PHF2: variants seen among roughly 807,000 people sequenced by gnomAD.
The protein encoded by PHF2 is lysine-specific demethylase PHF2.
Under a neutral mutation model 120.5 loss-of-function variants are expected in PHF2, and 27 were observed. The ratio of observed to expected loss-of-function variants is 0.22; its 90% CI spans 0.17 to 0.31. The LOEUF is 0.31. Ranked by LOEUF, PHF2 falls within the 10% of genes least tolerant of loss-of-function variation. The pLI, the probability that PHF2 is intolerant of heterozygous loss-of-function variation, is 1.00. For missense variants in PHF2, 1,024 were observed against 1,434.8 expected (o/e 0.71, Z 4.63); for synonymous variants, 568 against 592.5 (o/e 0.96, Z 0.60).
chr9:93,599,785 C>T (rs898656756), intron 1 of PHF2, among the ~76,000 whole-genome samples: 2 of 152,236 alleles, frequency 1.3e-5, no homozygotes, highest in Non-Finnish European at 2.9e-5. Flanking sequence ...TTTAGAGGCG[C>T]CGGTGGGGCC....
At chr9:93,579,761 G>T (rs1862899064) in intron 1 of PHF2, among the ~76,000 whole-genome samples, 1 of 152,238 alleles carries the variant, frequency 6.6e-6, no homozygotes, top group Non-Finnish European at 1.5e-5. Flanking sequence ...GAGAATTGGA[G>T]AGAGGGTCTC....
Position 93,626,904 on chromosome 9 carries a change from T to C in PHF2, c.99-3066T>C, listed in dbSNP as rs115249839. Reference sequence around the variant, plus strand: ...AGTTGGCTGTTGATGTATGGGTTTATTTCTGAGGTTTTAGTTCTATTCCAT... The same window carrying C: ...AGTTGGCTGTTGATGTATGGGTTTACTTCTGAGGTTTTAGTTCTATTCCAT... On this transcript the variant is annotated intron_variant, in intron 1 of 21. Coordinates refer to ENST00000359246, the MANE Select transcript of PHF2 (RefSeq NM_005392.4). Among the ~76,000 whole-genome samples, 295 of 152,366 alleles carry C rather than the reference T, an allele frequency of 1.9e-3. 2 individuals carry two copies. Among genetic ancestry groups the C allele is most frequent in the African/African-American group, 6.7e-3 (278 of 41,596 alleles).
At chr9:93,640,781 G>A (rs1450323472) in intron 3 of PHF2, among the ~76,000 whole-genome samples, 1 of 152,196 alleles carries the variant, frequency 6.6e-6, no homozygotes, top group Non-Finnish European at 1.5e-5. Flanking sequence ...TCTTGTGAAA[G>A]CTGGACACGA....
chr9:93,598,766 G>A (rs1184389338), intron 1 of PHF2, among the ~76,000 whole-genome samples: 2 of 152,114 alleles, frequency 1.3e-5, no homozygotes, highest in African/African-American at 4.8e-5. Context: ...GGCAGGGCAG[G>A]GCTCACATGG....
At chr9:93,650,220 A>G (rs1346952146) in intron 5 of PHF2, among the ~76,000 whole-genome samples, 1 of 151,958 alleles carries the variant, frequency 6.6e-6, no homozygotes, top group African/African-American at 2.4e-5. Context: ...CATGACATAG[A>G]CATGCGATAC....
In PHF2 at chr9:93,656,097, C is replaced by A; in HGVS notation, c.1040+76C>A. 1 of 1,250,078 alleles carries A rather than the reference C, an allele frequency of 8.0e-7. No individual in the cohort carries two copies. Among genetic ancestry groups the A allele is most frequent in the African/African-American group, 1.5e-5 (1 of 67,598 alleles). 77.4% of individuals were successfully genotyped at this position (1,250,078 alleles called of 1,614,324 possible). A position where few individuals can be genotyped will look rare whatever the true frequency, so the allele number is the denominator to read the frequency against. On this transcript the variant is annotated intron_variant, in intron 8 of 21. Transcript: ENST00000359246. The surrounding 1 kb of genome is among the most constrained non-coding windows in gnomAD (Gnocchi z 4.1). ...CCTCTAGCTGGGTCGGTGCTAGATG[C>A]CTTGGGCTGAGTCCTGGCACAGCCC...
Position 93,630,036 on chromosome 9 carries a change from A to T in PHF2, c.165A>T (p.Lys55Asn). The T allele has an allele frequency of 6.2e-7, 1 of 1,613,372 alleles. No homozygotes were observed. The highest frequency in any genetic ancestry group is 8.5e-7 in the Non-Finnish European group (1 of 1,180,010). ...TATACCACTGCCCAAACTGTGAGAA[A>T]ACCCATGGGAAGTCCACCTGTAAGT... ...IDIYHCPNCE[K>N]THGKSTLKKK... is the part of the protein sequence containing the mutation. The change falls in exon 2 of 22, where the codon AAA becomes AAT. Residue 55 changes from lysine to asparagine, a missense_variant. This residue lies in a region of PHF2 where 347 missense variants were observed against 577.4 expected (regional missense o/e 0.60). Coordinates refer to ENST00000359246, the MANE Select transcript of PHF2 (RefSeq NM_005392.4).
At chr9:93,612,925 T>G (rs1311470813) in intron 1 of PHF2, among the ~76,000 whole-genome samples, 9 of 152,226 alleles carry the variant, frequency 5.9e-5, no homozygotes, top group Non-Finnish European at 1.2e-4. Flanking sequence ...GATGGGGGAC[T>G]TCTCTCTAAT....
rs1826897756 is a variant in PHF2, at chr9:93,675,722, G to A, written c.2765G>A (p.Arg922His). Residue 922 changes from arginine (R) to histidine (H), a missense_variant, in exon 20 of 22, where the codon CGT (arginine) becomes CAT (histidine). Arg to His is a conservative substitution (Grantham distance 29). This residue lies in a region of PHF2 where 677 missense variants were observed against 857.4 expected (regional missense o/e 0.79). Transcript: ENST00000359246. Reference protein sequence around the residue: ...PSVPRQDRPVREGTRVASIET... With the variant: ...PSVPRQDRPVHEGTRVASIET... ...GTGCCAAGACAGGACAGGCCTGTGC[G>A]TGAGGGTACACGGGTGGCTTCCATC... 9 of 1,613,342 alleles carry A rather than the reference G, an allele frequency of 5.6e-6. No individual in the cohort carries two copies. Among genetic ancestry groups the A allele is most frequent in the Non-Finnish European group, 6.8e-6 (8 of 1,179,930 alleles).
intron 1 of PHF2, among the ~76,000 whole-genome samples, chr9:93,605,844 A>G (rs1021486587): frequency 6.6e-6 from 1 of 152,212 alleles, no homozygotes; most frequent in African/African-American, 2.4e-5. Context: ...AATTTTGGCA[A>G]TTATGAATAA....
At chr9:93,634,161 C>T (rs1223856359) in intron 2 of PHF2, among the ~76,000 whole-genome samples, 4 of 152,282 alleles carry the variant, frequency 2.6e-5, no homozygotes, top group Admixed American at 6.5e-5. Flanking sequence ...ATATAACTGC[C>T]TCCATTTCCA....
At chr9:93,648,127 C>T (rs1826293593) in intron 4 of PHF2, among the ~76,000 whole-genome samples, 1 of 151,712 alleles carries the variant, frequency 6.6e-6, no homozygotes, top group Admixed American at 6.6e-5. Flanking sequence ...TTTTTTATAT[C>T]CCTGAAGTCT....
chr9:93,608,756 G>A (rs1049010419), intron 1 of PHF2, among the ~76,000 whole-genome samples: 7 of 152,120 alleles, frequency 4.6e-5, no homozygotes, highest in African/African-American at 1.7e-4. Context: ...CTTTTAATCT[G>A]TGTCTTTATA....
At chr9:93,660,913 G>A (rs1826554256) in intron 12 of PHF2, among the ~76,000 whole-genome samples, 1 of 152,196 alleles carries the variant, frequency 6.6e-6, no homozygotes, top group Non-Finnish European at 1.5e-5. Flanking sequence ...TGGTGGAGGA[G>A]GCATGGTGGT....
At chr9:93,669,286 A>G (rs1329660110) in intron 17 of PHF2, among the ~76,000 whole-genome samples, 1 of 152,206 alleles carries the variant, frequency 6.6e-6, no homozygotes, top group African/African-American at 2.4e-5. Flanking sequence ...GGCCTGCCAG[A>G]GGATGCAGGG....
intron 1 of PHF2, among the ~76,000 whole-genome samples, chr9:93,602,247 C>T (rs1391854674): frequency 1.9e-3 from 155 of 79,620 alleles, no homozygotes; most frequent in Admixed American, 3.7e-3. Context: ...CCTAGAGATT[C>T]TTTTTTTTTT....
At chr9:93,650,892 G>T (rs1826358152) in intron 5 of PHF2, among the ~76,000 whole-genome samples, 1 of 152,144 alleles carries the variant, frequency 6.6e-6, no homozygotes, top group African/African-American at 2.4e-5. Context: ...AAAGGGGCAG[G>T]TAGGGAGAAA....
intron 1 of PHF2, among the ~76,000 whole-genome samples, chr9:93,580,778 G>A (rs10821163): frequency 2.6e-5 from 4 of 151,960 alleles, no homozygotes; most frequent in Non-Finnish European, 4.4e-5. Context: ...TATTCTGTAC[G>A]GAGTTCAGAG....
At chr9:93,659,441 C>A (rs1248383748) in intron 10 of PHF2, 70 bp from the exon 11 acceptor site, 1 of 1,308,256 alleles carries the variant, frequency 7.6e-7, no homozygotes, top group East Asian at 2.3e-5. Context: ...CGACAGCCTG[C>A]AAGAATGCAG....
Sources: gnomAD v4.1 joint callset for allele counts (sites outside exome capture counted in the v4.1 genomes callset) on GRCh38, gnomAD v4.1.1 for gene constraint, gnomAD v4.1.1 regional missense constraint, Gnocchi (gnomAD v3.1) non-coding constraint, MANE v1.5 for transcripts, NCBI Gene and HGNC (gene_info 2026-07-23, HGNC 2026-07-21) for gene names.